The following CTNNA3 variants were observed in gnomAD, a reference collection of about 807,000 sequenced individuals.
CTNNA3 encodes the protein catenin alpha-3.
In CTNNA3, 76 loss-of-function variants were observed where a neutral mutation model predicts 95.7. The ratio of observed to expected loss-of-function variants is 0.79; its 90% CI spans 0.66 to 0.96. The LOEUF (loss-of-function observed/expected upper bound fraction) is 0.96, where lower values mean the gene tolerates loss of function less well. CTNNA3 is among the 40% of genes least tolerant of loss of function. CTNNA3 has a pLI of 0.00. For synonymous variants in CTNNA3, 431 were observed against 374.4 expected (o/e 1.15, Z -1.74); for missense variants, 1,191 against 1,089.8 (o/e 1.09, Z -1.31).
At chr10:67,026,356 C>T (rs1262567358) in intron 7 of CTNNA3, among the ~76,000 whole-genome samples, 1 of 151,568 alleles carries the variant, frequency 6.6e-6, no homozygotes, top group African/African-American at 2.4e-5. Context: ...ATTTTTGGAA[C>T]ATTTTGTAAA....
intron 11 of CTNNA3, among the ~76,000 whole-genome samples, chr10:66,509,943 T>A (rs190271918): frequency 1.3e-5 from 2 of 151,962 alleles, no homozygotes; most frequent in African/African-American, 4.8e-5. Context: ...GGAATGACAG[T>A]GTTATTTTGA....
intron 7 of CTNNA3, among the ~76,000 whole-genome samples, chr10:67,145,603 G>A (rs1860801679): frequency 6.6e-6 from 1 of 151,770 alleles, no homozygotes; most frequent in African/African-American, 2.4e-5. Context: ...GCTAATTTTT[G>A]TATTTTTAGT....
intron 1 of CTNNA3, among the ~76,000 whole-genome samples, chr10:67,660,716 G>A (rs1840159300): frequency 6.6e-6 from 1 of 152,080 alleles, no homozygotes; most frequent in Non-Finnish European, 1.5e-5. Context: ...TGGATCATGA[G>A]GTCAGGAGAT....
intron 15 of CTNNA3, among the ~76,000 whole-genome samples, chr10:65,992,463 T>G (rs2133338743): frequency 6.6e-6 from 1 of 151,640 alleles, no homozygotes; most frequent in South Asian, 2.1e-4. Context: ...TTTTCCACAC[T>G]TGATCTTCGT....
chr10:66,444,874 C>T (rs534591182), intron 11 of CTNNA3, among the ~76,000 whole-genome samples: 12 of 152,278 alleles, frequency 7.9e-5, no homozygotes, highest in African/African-American at 2.9e-4. Flanking sequence ...AAGACACAGA[C>T]TGGCAAATTG....
rs368822350 is a variant in CTNNA3 at position 66,438,480 on chromosome 10, G to T, written c.1532-59128C>A. On this transcript the variant is annotated intron_variant, in intron 11 of 17. Transcript: ENST00000433211. ...GGCCCCACCCAGTTTGAACTTCCAG[G>T]TGGCTTTGTTTACACTGTGAGGGGA... Among the ~76,000 whole-genome samples, 237 of 152,244 alleles carry T rather than the reference G, an allele frequency of 1.6e-3. 2 individuals are homozygous for T. Among genetic ancestry groups the T allele is most frequent in the African/African-American group, 5.5e-3 (227 of 41,548 alleles).
chr10:67,590,010 CATA>C (rs1161859407), intron 3 of CTNNA3, among the ~76,000 whole-genome samples: 5 of 152,158 alleles, frequency 3.3e-5, no homozygotes, highest in Admixed American at 3.3e-4. Flanking sequence ...TCCCAGCTAC[CATA>C]ATAATAGATC....
At chr10:66,562,668 T>C (rs1417767080) in intron 10 of CTNNA3, among the ~76,000 whole-genome samples, 1 of 152,132 alleles carries the variant, frequency 6.6e-6, no homozygotes, top group African/African-American at 2.4e-5. Flanking sequence ...TTTATTTTTG[T>C]GGTTGTCATT....
chr10:66,301,439 T>C (rs1171065057), intron 12 of CTNNA3, among the ~76,000 whole-genome samples: 1 of 151,942 alleles, frequency 6.6e-6, no homozygotes, highest in Non-Finnish European at 1.5e-5. Context: ...TTAACAAAAC[T>C]AATTGAATTA....
chr10:67,005,682 C>CTTTTTTTTTTGTTTTTT (rs1851927956), intron 7 of CTNNA3, among the ~76,000 whole-genome samples: 1 of 61,976 alleles, frequency 1.6e-5, no homozygotes, highest in East Asian at 6.8e-4. Flanking sequence ...TTTACTCCAT[C>CTTTTTTTTTTGTTTTTT]TTTTTTTTTT....
chr10:66,510,346 A>T (rs1840610651), intron 11 of CTNNA3, among the ~76,000 whole-genome samples: 1 of 138,912 alleles, frequency 7.2e-6, no homozygotes, highest in Non-Finnish European at 1.6e-5. Context: ...AAAGAGGGAC[A>T]ATTTGACTTC....
At chr10:66,422,961 C>T (rs1398741252) in intron 11 of CTNNA3, among the ~76,000 whole-genome samples, 1 of 151,896 alleles carries the variant, frequency 6.6e-6, no homozygotes, top group Non-Finnish European at 1.5e-5. Flanking sequence ...GTTTGCTATG[C>T]CAAGAATAGC....
At chr10:67,051,415 G>A (rs1855085979) in intron 7 of CTNNA3, among the ~76,000 whole-genome samples, 1 of 151,948 alleles carries the variant, frequency 6.6e-6, no homozygotes, top group African/African-American at 2.4e-5. Context: ...AATAAGCCAA[G>A]AAATGCTATC....
chr10:66,889,794 T>C (rs910217322), intron 7 of CTNNA3, among the ~76,000 whole-genome samples: 1 of 149,714 alleles, frequency 6.7e-6, no homozygotes, highest in East Asian at 2.0e-4. Flanking sequence ...ACAGACCTTT[T>C]TTTTTTTTTT....
intron 7 of CTNNA3, among the ~76,000 whole-genome samples, chr10:66,838,390 G>A (rs1173442104): frequency 1.3e-5 from 2 of 152,042 alleles, no homozygotes; most frequent in South Asian, 2.1e-4. Context: ...TAGTACTACT[G>A]TTACATTATT....
rs543843092 is a variant in CTNNA3 at position 66,641,825 on chromosome 10, T to C, written c.1282-20041A>G. On this transcript the variant is annotated intron_variant, in intron 9 of 17. Coordinates refer to ENST00000433211, the MANE Select transcript of CTNNA3 (RefSeq NM_013266.4). ...TCCTTGTTAAAAGTACTTCAAAATG[T>C]ATGCAAAATATGTCTTATAGCCAGC... 1.2e-3 allele frequency among the ~76,000 whole-genome samples: 189 copies of C among 152,194 alleles called. 2 individuals carry two copies. The highest frequency in any genetic ancestry group is 4.4e-3 in the African/African-American group (181 of 41,534).
Position 65,916,539 on chromosome 10 carries a change from G to A in CTNNA3, c.*3791C>T, listed in dbSNP as rs2077010170. The A allele has an allele frequency of 6.6e-6, 1 of 152,056 alleles. No homozygotes were observed. 9.4% of individuals were successfully genotyped at this position (152,056 alleles called of 1,614,324 possible). A position where few individuals can be genotyped will look rare whatever the true frequency, so the allele number is the denominator to read the frequency against. On this transcript the variant is annotated 3_prime_UTR_variant, in exon 18 of 18. Coordinates refer to ENST00000433211, the MANE Select transcript of CTNNA3 (RefSeq NM_013266.4). ...GTAGCCATGGGAACCACAATCTCTA[G>A]GACAGAAATGAACATTTGATACCAA... is the stretch of plus-strand genomic sequence containing the variant.
At chr10:67,098,963 A>T (rs1858172485) in intron 7 of CTNNA3, 1 of 151,876 alleles carries the variant, frequency 6.6e-6, no homozygotes, top group African/African-American at 2.4e-5. Flanking sequence ...TGTGCACTAC[A>T]TCATTTCTCT....
intron 17 of CTNNA3, among the ~76,000 whole-genome samples, chr10:65,963,246 CTACT>C (rs1405309859): frequency 2.6e-5 from 4 of 152,222 alleles, no homozygotes; most frequent in African/African-American, 9.6e-5. Flanking sequence ...AGCTTTTGCT[CTACT>C]TGCCCACCCA....
Sources: allele counts gnomAD v4.1 joint callset (sites outside exome capture counted in the v4.1 genomes callset), GRCh38; gene constraint gnomAD v4.1.1; transcripts MANE v1.5; gene names NCBI Gene and HGNC (gene_info 2026-07-23, HGNC 2026-07-21).